The following ZNF141 variants were observed in gnomAD, a reference collection of about 807,000 sequenced individuals.
ZNF141 encodes the protein zinc finger protein 141 (clone pHZ-44).
A neutral mutation model predicts 11.3 loss-of-function variants in ZNF141; 7 were observed. That is an observed-to-expected ratio of 0.62 (90% confidence interval 0.35 to 1.16). The LOEUF (loss-of-function observed/expected upper bound fraction) is 1.16, where lower values mean the gene tolerates loss of function less well. Among genes scored for constraint, ZNF141 ranks in the 50% most tolerant of loss-of-function variants. The pLI, the probability that ZNF141 is intolerant of heterozygous loss-of-function variation, is 0.02. For synonymous variants in ZNF141, 183 were observed against 190.7 expected, an observed-to-expected ratio of 0.96 and a Z score of 0.33; for missense variants, 535 against 554.0, an observed-to-expected ratio of 0.97 and a Z score of 0.34.
intron 1 of ZNF141, among the ~76,000 whole-genome samples, chr4:343,398 T>TC (rs1385427890): frequency 6.6e-6 from 1 of 152,148 alleles, no homozygotes; most frequent in Non-Finnish European, 1.5e-5. Context: ...GAACTAGCGC[T>TC]CTCAACTCAT....
At chr4:363,781 G>GA (rs1711594961) in intron 3 of ZNF141, among the ~76,000 whole-genome samples, 1 of 151,778 alleles carries the variant, frequency 6.6e-6, no homozygotes, top group Admixed American at 6.6e-5. Flanking sequence ...AGGCGGGGGG[G>GA]AATGCTTCTA....
At chr4:352,619 G>C (rs782305148) in intron 3 of ZNF141, among the ~76,000 whole-genome samples, 3 of 152,170 alleles carry the variant, frequency 2.0e-5, no homozygotes, top group Admixed American at 1.3e-4. Flanking sequence ...TAGTGAAAAG[G>C]GTATTTCTTT....
At chr4:354,835 A>G (rs1185914683) in intron 3 of ZNF141, among the ~76,000 whole-genome samples, 1 of 152,000 alleles carries the variant, frequency 6.6e-6, no homozygotes, top group Non-Finnish European at 1.5e-5. Flanking sequence ...ATTTATTTGT[A>G]AGTTTTAAAA....
chr4:361,393 T>TG (rs1447874474), intron 3 of ZNF141, among the ~76,000 whole-genome samples: 1 of 151,932 alleles, frequency 6.6e-6, no homozygotes, highest in Non-Finnish European at 1.5e-5. Context: ...TTCTGTTTTT[T>TG]TTTTTTTTTA....
At chr4:372,145 C>T (rs1436815594) in intron 3 of ZNF141, among the ~76,000 whole-genome samples, 1 of 152,256 alleles carries the variant, frequency 6.6e-6, no homozygotes, top group Non-Finnish European at 1.5e-5. Context: ...TTTAGCACTG[C>T]AGTCTGCTCC....
At chr4:369,360 C>T (rs192060590) in intron 3 of ZNF141, among the ~76,000 whole-genome samples, 1 of 152,168 alleles carries the variant, frequency 6.6e-6, no homozygotes, top group African/African-American at 2.4e-5. Flanking sequence ...CTGTTCTCCT[C>T]TTATTTGGTT....
rs1302899639 is a variant in ZNF141, at chr4:374,842, G to C, written c.*980G>C. On this transcript the variant is annotated 3_prime_UTR_variant, in exon 4 of 4. Transcript: ENST00000240499. Reference sequence around the variant, plus strand: ...TTCTAATCATAAGATAATTCACACTGAAGAGAAACTGCAAACGTGGAAAGT... The same window carrying C: ...TTCTAATCATAAGATAATTCACACTCAAGAGAAACTGCAAACGTGGAAAGT... 6.5e-6 allele frequency: 1 copy of C among 152,892 alleles called. No homozygotes were observed. Among genetic ancestry groups the C allele is most frequent in the Non-Finnish European group, 1.5e-5 (1 of 68,050 alleles). The allele number at this position is 152,892 out of a possible 1,614,324, so 9.5% of individuals were successfully genotyped here. A position where few individuals can be genotyped will look rare whatever the true frequency, so the allele number is the denominator to read the frequency against.
chr4:345,750 A>T (rs550623373), intron 3 of ZNF141, among the ~76,000 whole-genome samples: 1,749 of 150,826 alleles, frequency 0.012, 12 homozygotes, highest in Middle Eastern at 0.042. Flanking sequence ...AAAAAAAAAA[A>T]GTTTTTGAAA....
intron 3 of ZNF141, among the ~76,000 whole-genome samples, chr4:357,593 T>TA (rs1227030368): frequency 1.9e-4 from 29 of 151,942 alleles, no homozygotes; most frequent in Non-Finnish European, 4.1e-4. Context: ...TTTACACAAT[T>TA]AAAAAAATTT....
rs942171985 is a variant in ZNF141 at position 369,987 on chromosome 4, G to T, written c.227-2677G>T. On this transcript the variant is annotated intron_variant, in intron 3 of 3. Coordinates refer to ENST00000240499, the MANE Select transcript of ZNF141 (RefSeq NM_003441.4). ...TCACCATGTTGGCCAGGATGATCTC[G>T]ATCTCCTGACCTCGTGATCCACCTG... 6.6e-5 allele frequency among the ~76,000 whole-genome samples: 10 copies of T among 151,082 alleles called. No individual in the cohort carries two copies. The Admixed American group carries it at 6.6e-4, about 10-fold the overall frequency.
intron 3 of ZNF141, among the ~76,000 whole-genome samples, chr4:357,194 A>G (rs1330392787): frequency 2.0e-5 from 3 of 152,156 alleles, no homozygotes; most frequent in Non-Finnish European, 1.5e-5. Flanking sequence ...CCTGACCTCA[A>G]GCACTTGATT....
intron 1 of ZNF141, among the ~76,000 whole-genome samples, chr4:343,124 G>A (rs957811368): frequency 6.6e-6 from 1 of 152,090 alleles, no homozygotes; most frequent in Non-Finnish European, 1.5e-5. Flanking sequence ...TCAGTTCCTT[G>A]CATGATTCTA....
Position 338,090 on chromosome 4 carries a change from G to C in ZNF141, c.3+104G>C. 3 of 1,523,174 alleles carry C rather than the reference G, an allele frequency of 2.0e-6. No individual in the cohort carries two copies. In the South Asian group the frequency reaches 3.5e-5, roughly 18 times the overall value. 94.4% of individuals were successfully genotyped at this position (1,523,174 alleles called of 1,614,324 possible). On this transcript the variant is annotated intron_variant, in intron 1 of 3. Transcript: ENST00000240499. ...TGCGAACGGAGTCCCCGCTGCCGCC[G>C]CTCAGCCCTGGGGCCTCAGTACCCT...
At chr4:357,658 T>A (rs1721906069) in intron 3 of ZNF141, among the ~76,000 whole-genome samples, 1 of 151,848 alleles carries the variant, frequency 6.6e-6, no homozygotes, top group Non-Finnish European at 1.5e-5. Context: ...CAGATAATTA[T>A]GCAGTGTGGG....
chr4:338,036 C>A, intron 1 of ZNF141, 50 bp downstream of exon 1: 1 of 1,611,118 alleles, frequency 6.2e-7, no homozygotes, highest in Non-Finnish European at 8.5e-7. Flanking sequence ...CTCATCGGAG[C>A]TGGCGGGAAA....
chr4:374,260 AAAT>A lies in ZNF141; in HGVS notation c.*400_*402del, dbSNP rs1375021682. On this transcript the variant is annotated 3_prime_UTR_variant, in exon 4 of 4. Coordinates refer to ENST00000240499, the MANE Select transcript of ZNF141 (RefSeq NM_003441.4). ...ATTTAATTGGTCCTCAATGCTTAAT[AAAT>A]ATAATTCATGCTGGAGAGAAACTTC... 1 of 305,028 alleles carries A rather than the reference AAAT, an allele frequency of 3.3e-6. No individual in the cohort carries two copies. Among genetic ancestry groups the A allele is most frequent in the Non-Finnish European group, 6.5e-6 (1 of 154,860 alleles). The allele number at this position is 305,028 out of a possible 1,614,324, so 18.9% of individuals were successfully genotyped here. A position where few individuals can be genotyped will look rare whatever the true frequency, so the allele number is the denominator to read the frequency against.
chr4:373,588 A>G lies in ZNF141; in HGVS notation c.1151A>G (p.Glu384Gly). ...KAFGRSRVLN[E>G]HKKIHTGEKP... The stretch of plus-strand genomic sequence containing the variant: ...TTTGGACGGTCCAGGGTCCTGAATG[A>G]ACATAAAAAAATTCATACTGGAGAG... The change falls in exon 4 of 4, where the codon GAA becomes GGA. Residue 384 changes from glutamate to glycine, a missense_variant. Transcript: ENST00000240499. The G allele has an allele frequency of 6.2e-7, 1 of 1,614,084 alleles. No homozygotes were observed. The highest frequency in any genetic ancestry group is 1.1e-5 in the South Asian group (1 of 91,072).
At position 343,925 on chromosome 4, in the gene ZNF141, T is replaced by C. The variant is rs1721188739; in HGVS notation, c.130+17T>C. The C allele has an allele frequency of 2.5e-6, 4 of 1,580,480 alleles. No individual in the cohort carries two copies. The African/African-American group carries it at 4.1e-5, about 16-fold the overall frequency. ...TCTCCCTGGGTGAGGATAACTTCAATACATAATTCCTAATTTTTCTCAGAG... is the reference window on the plus strand; with the variant it reads ...TCTCCCTGGGTGAGGATAACTTCAACACATAATTCCTAATTTTTCTCAGAG... On this transcript the variant is annotated intron_variant, in intron 2 of 3. Coordinates refer to ENST00000240499, the MANE Select transcript of ZNF141 (RefSeq NM_003441.4).
At chr4:340,791 G>T (rs1272858475) in intron 1 of ZNF141, among the ~76,000 whole-genome samples, 9 of 152,150 alleles carry the variant, frequency 5.9e-5, no homozygotes, top group African/African-American at 1.9e-4. Context: ...ATGCCATACT[G>T]GACACTATAA....
Sources: gnomAD v4.1 joint callset for allele counts (sites outside exome capture counted in the v4.1 genomes callset) on GRCh38, gnomAD v4.1.1 for gene constraint, MANE v1.5 for transcripts, NCBI Gene and HGNC (gene_info 2026-07-23, HGNC 2026-07-21) for gene names.